MFSD8: variants seen among roughly 807,000 people sequenced by gnomAD.
MFSD8 encodes major facilitator superfamily domain-containing protein 8.
MFSD8 carries 55 observed loss-of-function variants against 66.4 expected under a neutral mutation model. The observed-to-expected ratio is 0.83, with a 90% CI of 0.67 to 1.04. The LOEUF (loss-of-function observed/expected upper bound fraction) is 1.04. MFSD8 is among the 50% of genes least tolerant of loss of function. The pLI is 0.00. For missense variants in MFSD8, 550 were observed against 627.6 expected, an observed-to-expected ratio of 0.88 and a Z score of 1.32; for synonymous variants, 202 against 212.8, an observed-to-expected ratio of 0.95 and a Z score of 0.44.
At chr4:127,927,239 T>C (rs554918406) in intron 9 of MFSD8, among the ~76,000 whole-genome samples, 1 of 152,080 alleles carries the variant, frequency 6.6e-6, no homozygotes, top group African/African-American at 2.4e-5. Context: ...CAGGCTGGAA[T>C]GCAATGGCTC....
At chr4:127,949,662 C>A in intron 3 of MFSD8, 142 bp downstream of exon 3, 1 of 696,584 alleles carries the variant, frequency 1.4e-6, no homozygotes, top group Non-Finnish European at 2.4e-6. Context: ...TACTTATAAG[C>A]CTCTTTTAAG....
rs2148973104 is a variant in MFSD8 at position 127,957,608 on chromosome 4, A to G, written c.63-16T>C. ...GTCCCATTCTCTAGGTGTAAAGAAG[A>G]AAAAAGTAGTATAAATTTATCTCAT... On this transcript the variant is annotated splice_polypyrimidine_tract_variant and intron_variant, in intron 1 of 11. Coordinates refer to ENST00000641686, the MANE Select transcript of MFSD8 (RefSeq NM_001371596.2). 6.5e-7 allele frequency: 1 copy of G among 1,538,142 alleles called. No individual in the cohort carries two copies. The highest frequency in any genetic ancestry group is 1.7e-5 in the Admixed American group (1 of 59,046).
In MFSD8 at chr4:127,932,712, CTG is replaced by C. The variant is rs1738361235; in HGVS notation, c.863+271_863+272del. 4 of 295,434 alleles carry C rather than the reference CTG, an allele frequency of 1.4e-5. No homozygotes were observed. In the East Asian group the frequency reaches 3.3e-4, roughly 24 times the overall value. 18.3% of individuals were successfully genotyped at this position (295,434 alleles called of 1,614,324 possible). A position where few individuals can be genotyped will look rare whatever the true frequency, so the allele number is the denominator to read the frequency against. ...AAATCATGGCACTAAAGTTTTATAA[CTG>C]TATTTATCATAAAACTCAGATGAAA... On this transcript the variant is annotated intron_variant, in intron 8 of 11. Transcript: ENST00000641686.
At chr4:127,949,718 CA>C (rs1299987906) in intron 3 of MFSD8, 85 bp downstream of exon 3, 4 of 1,118,916 alleles carry the variant, frequency 3.6e-6, no homozygotes, top group Non-Finnish European at 5.3e-6. Flanking sequence ...CATAGAATAC[CA>C]AAGAGACTCT....
intron 7 of MFSD8, among the ~76,000 whole-genome samples, chr4:127,934,275 G>A (rs907145128): frequency 1.3e-5 from 2 of 151,920 alleles, no homozygotes; most frequent in Non-Finnish European, 2.9e-5. Flanking sequence ...ATTAGTATTC[G>A]TAAAGATCCT....
At chr4:127,957,220 A>C (rs1743033911) in intron 2 of MFSD8, among the ~76,000 whole-genome samples, 1 of 152,196 alleles carries the variant, frequency 6.6e-6, no homozygotes. Flanking sequence ...AATTCCAAGA[A>C]ACAAAGTTTG....
At chr4:127,934,279 A>G (rs1738653262) in intron 7 of MFSD8, among the ~76,000 whole-genome samples, 1 of 152,096 alleles carries the variant, frequency 6.6e-6, no homozygotes, top group South Asian at 2.1e-4. Context: ...GTATTCGTAA[A>G]GATCCTTATG....
chr4:127,953,357 G>A (rs1418114380), intron 2 of MFSD8, among the ~76,000 whole-genome samples: 5 of 151,126 alleles, frequency 3.3e-5, no homozygotes, highest in African/African-American at 7.3e-5. Context: ...GCATGGTGCC[G>A]CATGCCTGTA....
chr4:127,964,609 C>A, intron 1 of MFSD8: 1 of 188,144 alleles, frequency 5.3e-6, no homozygotes, highest in Non-Finnish European at 1.1e-5. Context: ...GGTTCCCGCT[C>A]ACGCCTCTCC....
chr4:127,939,433 C>G (rs1010271810), intron 6 of MFSD8: 1 of 165,432 alleles, frequency 6.0e-6, no homozygotes, highest in African/African-American at 2.4e-5. Flanking sequence ...CAAGATCAGC[C>G]TGGCCAACAT....
chr4:127,938,740 T>C, intron 7 of MFSD8, 43 bp downstream of exon 7: 1 of 1,513,432 alleles, frequency 6.6e-7, no homozygotes, highest in Non-Finnish European at 9.2e-7. Flanking sequence ...TTAGAAACAC[T>C]TTGATAATGT....
At chr4:127,955,621 T>A (rs188123722) in intron 2 of MFSD8, among the ~76,000 whole-genome samples, 65 of 151,638 alleles carry the variant, frequency 4.3e-4, no homozygotes, top group Non-Finnish European at 3.8e-4. Context: ...TTTGCCATAT[T>A]AATTATCTCA....
intron 7 of MFSD8, chr4:127,933,576 T>A (rs1738533034): frequency 6.5e-6 from 1 of 153,246 alleles, no homozygotes; most frequent in South Asian, 2.0e-4. Context: ...CAGAAATAAT[T>A]TTTAAATGGC....
chr4:127,927,410 AGGTGATCTGCCCGC>A (rs1311384786), intron 9 of MFSD8, among the ~76,000 whole-genome samples: 2 of 152,166 alleles, frequency 1.3e-5, no homozygotes, highest in Non-Finnish European at 2.9e-5. Flanking sequence ...TTCTGACCTC[AGGTGATCTGCCCGC>A]CTTGGCCTCC....
At chr4:127,962,324 G>A (rs375049739) in intron 1 of MFSD8, among the ~76,000 whole-genome samples, 3 of 152,084 alleles carry the variant, frequency 2.0e-5, no homozygotes, top group East Asian at 1.9e-4. Flanking sequence ...AAAATTAGCC[G>A]TGTCTGGTGG....
chr4:127,950,547 G>A (rs1286133661), intron 2 of MFSD8, among the ~76,000 whole-genome samples: 4 of 151,890 alleles, frequency 2.6e-5, no homozygotes, highest in Admixed American at 1.3e-4. Flanking sequence ...AAAATTAGCC[G>A]GGCATGGTGG....
At position 127,949,866 on chromosome 4, in the gene MFSD8, G is replaced by A. The variant is rs1384042897; in HGVS notation, c.155-19C>T. 2 of 1,595,972 alleles carry A rather than the reference G, an allele frequency of 1.3e-6. No homozygotes were observed. The highest frequency in any genetic ancestry group is 1.7e-6 in the Non-Finnish European group (2 of 1,167,034). ...GAAAACCCTGTGAAGAAGCAAACTAGGTTATTTATACTTATAATAATTTAA... is the reference window on the plus strand; with the variant it reads ...GAAAACCCTGTGAAGAAGCAAACTAAGTTATTTATACTTATAATAATTTAA... On this transcript the variant is annotated intron_variant, in intron 2 of 11. Transcript: ENST00000641686.
chr4:127,919,437 A>G lies in MFSD8; in HGVS notation c.*1193T>C, dbSNP rs1476539057. 6.6e-6 allele frequency: 1 copy of G among 152,160 alleles called. No homozygotes were observed. Among genetic ancestry groups the G allele is most frequent in the Non-Finnish European group, 1.5e-5 (1 of 68,004 alleles). 9.4% of individuals were successfully genotyped at this position (152,160 alleles called of 1,614,324 possible). ...GAAAAGTGTTTAGAAATATTTTTGCATTTTCTTAACAGTGCTTATCAATAT... is the reference window on the plus strand; with the variant it reads ...GAAAAGTGTTTAGAAATATTTTTGCGTTTTCTTAACAGTGCTTATCAATAT... On this transcript the variant is annotated 3_prime_UTR_variant, in exon 12 of 12. Transcript: ENST00000641686.
At position 127,943,780 on chromosome 4, in the gene MFSD8, A is replaced by G. The variant is rs201652718; in HGVS notation, c.411T>C (p.Val137=). The G allele has an allele frequency of 3.1e-6, 5 of 1,614,202 alleles. No individual in the cohort carries two copies. The highest frequency in any genetic ancestry group is 4.2e-6 in the Non-Finnish European group (5 of 1,180,040). ...PASHNKYYML[V]ARGLLGIGAG... is the part of the protein sequence containing the mutation. ...CTCCAATTCCCAACAATCCACGAGC[A>G]ACCAGCATGTAGTATTTATTATGAG... is the stretch of plus-strand genomic sequence containing the variant. Residue 137 remains valine (V), a synonymous_variant, in exon 4 of 12, where the codon GTT becomes GTC. Transcript: ENST00000641686.
Sources: allele counts gnomAD v4.1 joint callset (sites outside exome capture counted in the v4.1 genomes callset), GRCh38; gene constraint gnomAD v4.1.1; transcripts MANE v1.5; gene names NCBI Gene and HGNC (gene_info 2026-07-23, HGNC 2026-07-21).